The following CHL1 variants were observed in gnomAD, a reference collection of about 807,000 sequenced individuals.
CHL1 encodes cell adhesion molecule L1 like, also known as neural cell adhesion molecule L1-like protein.
A neutral mutation model predicts 141.9 loss-of-function variants in CHL1; 96 were observed. The observed-to-expected ratio is 0.68, with a 90% CI of 0.57 to 0.80. CHL1 has a LOEUF of 0.80. Among genes scored for constraint, CHL1 ranks in the 30% least tolerant of loss-of-function variants. The probability of loss-of-function intolerance (pLI) is 0.00; values close to 1 mark genes in which losing one functional copy is unlikely to be tolerated. For missense variants in CHL1, 1,820 were observed against 1,457.2 expected, an observed-to-expected ratio of 1.25 and a Z score of -4.05; for synonymous variants, 613 against 502.2, an observed-to-expected ratio of 1.22 and a Z score of -2.95.
At chr3:279,456 C>T (rs1236664404) in intron 2 of CHL1, among the ~76,000 whole-genome samples, 1 of 152,074 alleles carries the variant, frequency 6.6e-6, no homozygotes, top group Non-Finnish European at 1.5e-5. Context: ...CAGCAAAGAA[C>T]AAAGATAAAT....
intron 15 of CHL1, among the ~76,000 whole-genome samples, chr3:368,188 G>A (rs966716811): frequency 7.9e-5 from 12 of 152,124 alleles, no homozygotes; most frequent in East Asian, 3.9e-4. Flanking sequence ...CTTCCACAAC[G>A]GTTGAACTAA....
intron 2 of CHL1, among the ~76,000 whole-genome samples, chr3:317,863 T>C (rs1350102789): frequency 2.0e-5 from 3 of 151,926 alleles, no homozygotes; most frequent in Admixed American, 1.3e-4. Context: ...GGATAACTCA[T>C]TTCATCAGAA....
intron 2 of CHL1, among the ~76,000 whole-genome samples, chr3:285,333 C>G (rs1339069961): frequency 6.6e-6 from 1 of 152,148 alleles, no homozygotes; most frequent in Admixed American, 6.5e-5. Flanking sequence ...TCCCTCCCAC[C>G]ATTTTCTCTA....
At chr3:404,961 G>A (rs1447809082) in intron 27 of CHL1, among the ~76,000 whole-genome samples, 3 of 152,058 alleles carry the variant, frequency 2.0e-5, no homozygotes, top group African/African-American at 7.2e-5. Context: ...TCACTTTCTG[G>A]GTGACAGATG....
chr3:351,883 C>A lies in CHL1; in HGVS notation c.1033+2340C>A, dbSNP rs73013149. 2.5e-3 allele frequency among the ~76,000 whole-genome samples: 380 copies of A among 152,160 alleles called. 4 individuals are homozygous for A. The highest frequency in any genetic ancestry group is 6.8e-3 in the Middle Eastern group (2 of 294). On this transcript the variant is annotated intron_variant, in intron 10 of 27. Transcript: ENST00000256509. ...AGGTACAACTGTATATTCTAAATAT[C>A]TAAGATATGATTAATTACACATTCA... is the stretch of plus-strand genomic sequence containing the variant.
At chr3:276,733 CA>C (rs762980316) in intron 2 of CHL1, among the ~76,000 whole-genome samples, 6 of 151,466 alleles carry the variant, frequency 4.0e-5, no homozygotes, top group African/African-American at 9.7e-5. Context: ...ACTAAAAATA[CA>C]AAAAATTAGC....
chr3:304,513 CT>C (rs1699055223), intron 2 of CHL1, among the ~76,000 whole-genome samples: 1 of 152,164 alleles, frequency 6.6e-6, no homozygotes, highest in Non-Finnish European at 1.5e-5. Context: ...TCTAGATTTT[CT>C]AGTTTATTTG....
intron 1 of CHL1, among the ~76,000 whole-genome samples, chr3:209,818 A>AT (rs1699752644): frequency 6.6e-6 from 1 of 152,190 alleles, no homozygotes; most frequent in Admixed American, 6.5e-5. Context: ...TTTACAAGCA[A>AT]TGCACTAATA....
chr3:376,595 G>T (rs1453127817), intron 15 of CHL1, among the ~76,000 whole-genome samples: 9 of 152,188 alleles, frequency 5.9e-5, no homozygotes, highest in Non-Finnish European at 1.3e-4. Context: ...CCGTGCCAGG[G>T]TATAAATCTT....
intron 5 of CHL1, among the ~76,000 whole-genome samples, chr3:335,136 T>G (rs1701764105): frequency 6.6e-6 from 1 of 152,200 alleles, no homozygotes; most frequent in South Asian, 2.1e-4. Flanking sequence ...AACCCTGGCT[T>G]TTTACCACCC....
At chr3:399,370 A>G (rs181375573) in intron 26 of CHL1, among the ~76,000 whole-genome samples, 251 of 152,320 alleles carry the variant, frequency 1.6e-3, no homozygotes, top group African/African-American at 3.3e-3. Flanking sequence ...TGCCGGGCGC[A>G]GTGGCTCACG....
At position 377,815 on chromosome 3, in the gene CHL1, T is replaced by C. The variant is rs1467498046; in HGVS notation, c.1752-3T>C. On this transcript the variant is annotated splice_polypyrimidine_tract_variant and splice_region_variant and intron_variant, in intron 15 of 27. Transcript: ENST00000256509. ...CATCATGTACTCACTTTTTTTCTGA[T>C]AGGATAATTATTGATGGAGCTAATT... is the stretch of plus-strand genomic sequence containing the variant. The C allele has an allele frequency of 1.3e-6, 2 of 1,599,530 alleles. No homozygotes were observed. Among genetic ancestry groups the C allele is most frequent in the East Asian group, 4.5e-5 (2 of 44,764 alleles).
chr3:279,804 G>C (rs1392315900), intron 2 of CHL1, among the ~76,000 whole-genome samples: 1 of 152,184 alleles, frequency 6.6e-6, no homozygotes, highest in Non-Finnish European at 1.5e-5. Flanking sequence ...CCGAAGTAGG[G>C]ATTGGGGACT....
chr3:232,920 C>T (rs1016775573), intron 1 of CHL1, among the ~76,000 whole-genome samples: 1 of 152,068 alleles, frequency 6.6e-6, no homozygotes, highest in African/African-American at 2.4e-5. Flanking sequence ...TAAAAGAAAC[C>T]AGGGAGCACT....
chr3:386,421 A>G (rs1231843597), intron 19 of CHL1, among the ~76,000 whole-genome samples: 3 of 152,196 alleles, frequency 2.0e-5, no homozygotes, highest in Non-Finnish European at 2.9e-5. Flanking sequence ...CTTCTCATAT[A>G]TTAAGTCGGT....
intron 5 of CHL1, among the ~76,000 whole-genome samples, chr3:328,940 G>A (rs1701224485): frequency 1.3e-5 from 2 of 152,154 alleles, no homozygotes. Context: ...AAGTTGCATA[G>A]TCCCATCTAA....
chr3:344,521 A>T, intron 8 of CHL1, 68 bp from the exon 9 acceptor site: 1 of 1,206,872 alleles, frequency 8.3e-7, no homozygotes, highest in Admixed American at 2.1e-5. Flanking sequence ...TTTAAGAAAG[A>T]TGTGGTGTCA....
intron 2 of CHL1, chr3:247,922 A>T (rs1030172343): frequency 3.3e-5 from 5 of 151,974 alleles, no homozygotes; most frequent in African/African-American, 4.8e-5. Context: ...TTCCCATGAT[A>T]TGAGGATATG....
At chr3:231,838 A>T (rs1277439520) in intron 1 of CHL1, among the ~76,000 whole-genome samples, 4 of 152,086 alleles carry the variant, frequency 2.6e-5, no homozygotes, top group African/African-American at 9.7e-5. Flanking sequence ...TGGCCTCTCA[A>T]AGTGCTGGGA....
Sources: gnomAD v4.1 joint callset for allele counts (sites outside exome capture counted in the v4.1 genomes callset) on GRCh38, gnomAD v4.1.1 for gene constraint, MANE v1.5 for transcripts, NCBI Gene and HGNC (gene_info 2026-07-23, HGNC 2026-07-21) for gene names.